The following SEMA6D variants were observed in gnomAD, a reference collection of about 807,000 sequenced individuals.
SEMA6D encodes the protein semaphorin-6D.
A neutral mutation model predicts 106.6 loss-of-function variants in SEMA6D; 35 were observed. The ratio of observed to expected loss-of-function variants is 0.33; its 90% CI spans 0.25 to 0.44. SEMA6D has a LOEUF of 0.44. Ranked by LOEUF, SEMA6D falls within the 20% of genes least tolerant of loss-of-function variation. The probability of loss-of-function intolerance (pLI) is 1.00; values close to 1 mark genes in which losing one functional copy is unlikely to be tolerated. For missense variants in SEMA6D, 1,185 were observed against 1,345.9 expected (o/e 0.88, Z 1.87); for synonymous variants, 499 against 487.7 (o/e 1.02, Z -0.31).
chr15:47,590,477 T>TA (rs2076418904), intron 3 of SEMA6D, among the ~76,000 whole-genome samples: 1 of 152,090 alleles, frequency 6.6e-6, no homozygotes, highest in Non-Finnish European at 1.5e-5. Context: ...CATGTATACC[T>TA]ATGTGTCAAA....
intron 1 of SEMA6D, among the ~76,000 whole-genome samples, chr15:47,343,166 T>C (rs978390859): frequency 2.6e-5 from 4 of 151,942 alleles, no homozygotes; most frequent in Non-Finnish European, 2.9e-5. Flanking sequence ...CACTGAAAAG[T>C]CTTCAGTTTT....
intron 3 of SEMA6D, among the ~76,000 whole-genome samples, chr15:47,582,978 C>T (rs2076279986): frequency 6.6e-6 from 1 of 152,204 alleles, no homozygotes; most frequent in Non-Finnish European, 1.5e-5. Flanking sequence ...GGAAGCAGGG[C>T]AAGCCCACAT....
chr15:47,332,880 A>G (rs530048989), intron 1 of SEMA6D, among the ~76,000 whole-genome samples: 1 of 152,304 alleles, frequency 6.6e-6, no homozygotes, highest in South Asian at 2.1e-4. Context: ...CATAGGCACC[A>G]TTCAGCCACA....
chr15:47,252,160 G>A (rs983085893), intron 1 of SEMA6D, among the ~76,000 whole-genome samples: 7 of 144,976 alleles, frequency 4.8e-5, no homozygotes, highest in Non-Finnish European at 7.5e-5. Flanking sequence ...CTCGTGATCC[G>A]CCCGCCTCGG....
intron 1 of SEMA6D, among the ~76,000 whole-genome samples, chr15:47,254,490 C>T (rs903543507): frequency 1.6e-4 from 25 of 151,930 alleles, no homozygotes; most frequent in Non-Finnish European, 8.8e-5. Flanking sequence ...TAAGAATGGA[C>T]ATCCTCATCT....
chr15:47,567,151 G>GT (rs1293744563), intron 3 of SEMA6D, among the ~76,000 whole-genome samples: 1 of 152,134 alleles, frequency 6.6e-6, no homozygotes, highest in African/African-American at 2.4e-5. Flanking sequence ...CCATTGAAGA[G>GT]TTTTTGTGTA....
At chr15:47,306,023 C>T (rs1265386802) in intron 1 of SEMA6D, among the ~76,000 whole-genome samples, 4 of 151,908 alleles carry the variant, frequency 2.6e-5, no homozygotes, top group Non-Finnish European at 4.4e-5. Context: ...TGCTCCGTTG[C>T]CAGGCTAGAG....
chr15:47,464,288 A>G (rs901148622), intron 2 of SEMA6D, among the ~76,000 whole-genome samples: 2 of 152,106 alleles, frequency 1.3e-5, no homozygotes, highest in African/African-American at 2.4e-5. Flanking sequence ...CATGTTAAGT[A>G]TGTGTTGCAG....
chr15:47,554,233 A>C (rs1269366838), intron 3 of SEMA6D, among the ~76,000 whole-genome samples: 1 of 152,210 alleles, frequency 6.6e-6, no homozygotes, highest in South Asian at 2.1e-4. Context: ...AGAGTCCTCT[A>C]TTCGTAGCCT....
chr15:47,336,631 G>A lies in SEMA6D; in HGVS notation c.-238-75762G>A, dbSNP rs1181816147. 2.6e-5 allele frequency among the ~76,000 whole-genome samples: 4 copies of A among 152,214 alleles called. No individual in the cohort carries two copies. The East Asian group carries it at 5.8e-4, about 22-fold the overall frequency. ...AGCAGAGAAATGCTCTAATAGGGAC[G>A]GCAGTGTCCAGAAGTGTTTTGTAAT... On this transcript the variant is annotated intron_variant, in intron 1 of 19. Transcript: ENST00000558014.
chr15:47,492,992 A>G (rs2043520118), intron 3 of SEMA6D, among the ~76,000 whole-genome samples: 2 of 152,164 alleles, frequency 1.3e-5, no homozygotes, highest in Non-Finnish European at 2.9e-5. Flanking sequence ...AAGAAAAAAA[A>G]CTAAGAGCTT....
chr15:47,184,189 A>C (rs562325775), exon 1 of SEMA6D: 5 of 152,810 alleles, frequency 3.3e-5, no homozygotes, highest in Non-Finnish European at 7.3e-5. Context: ...AACCCGGAGA[A>C]GAGAGCAGAG....
intron 4 of SEMA6D, among the ~76,000 whole-genome samples, chr15:47,619,657 T>G (rs2077065027): frequency 6.6e-6 from 1 of 152,192 alleles, no homozygotes; most frequent in Non-Finnish European, 1.5e-5. Context: ...CAGAAGTCTG[T>G]TTTTAACAAG....
intron 1 of SEMA6D, among the ~76,000 whole-genome samples, chr15:47,310,636 T>C (rs537633054): frequency 6.6e-5 from 10 of 152,294 alleles, no homozygotes; most frequent in African/African-American, 2.2e-4. Flanking sequence ...GTTATTGTTA[T>C]GGATATCTGG....
At chr15:47,564,235 CATCTTCTTGAGAGA>C (rs1397367484) in intron 3 of SEMA6D, among the ~76,000 whole-genome samples, 1 of 152,188 alleles carries the variant, frequency 6.6e-6, no homozygotes, top group Non-Finnish European at 1.5e-5. Context: ...GCTTACCCGC[CATCTTCTTGAGAGA>C]AGAAATCCCC....
At chr15:47,739,849 CTAA>C (rs1162888200) in intron 1 of SEMA6D, among the ~76,000 whole-genome samples, 2 of 152,102 alleles carry the variant, frequency 1.3e-5, no homozygotes, top group Non-Finnish European at 2.9e-5. Context: ...CATAATGATG[CTAA>C]TAATAATATC....
At chr15:47,598,150 A>G (rs1266099825) in intron 3 of SEMA6D, among the ~76,000 whole-genome samples, 1 of 151,968 alleles carries the variant, frequency 6.6e-6, no homozygotes, top group Non-Finnish European at 1.5e-5. Flanking sequence ...AAACCAGGAA[A>G]TCTCAAGGGG....
intron 1 of SEMA6D, among the ~76,000 whole-genome samples, chr15:47,752,367 C>G (rs1171775477): frequency 6.6e-6 from 1 of 152,164 alleles, no homozygotes; most frequent in African/African-American, 2.4e-5. Flanking sequence ...TGGAAAATGT[C>G]CGTTGCCTTT....
chr15:47,379,447 G>A (rs905044575), intron 1 of SEMA6D, among the ~76,000 whole-genome samples: 4 of 152,166 alleles, frequency 2.6e-5, no homozygotes, highest in Admixed American at 2.6e-4. Flanking sequence ...AGAAAAATGT[G>A]TAGTCTATTT....
Sources: gnomAD v4.1 joint callset for allele counts (sites outside exome capture counted in the v4.1 genomes callset) on GRCh38, gnomAD v4.1.1 for gene constraint, MANE v1.5 for transcripts, NCBI Gene and HGNC (gene_info 2026-07-23, HGNC 2026-07-21) for gene names.